The following DLGAP2 variants were observed in gnomAD, a reference collection of about 807,000 sequenced individuals.
DLGAP2 encodes DLG associated protein 2, also known as disks large-associated protein 2.
In DLGAP2, 26 loss-of-function variants were observed where a neutral mutation model predicts 100.3. The observed-to-expected ratio is 0.26, with a 90% confidence interval of 0.19 to 0.36. The LOEUF (loss-of-function observed/expected upper bound fraction) is 0.36, where lower values mean the gene tolerates loss of function less well. DLGAP2 is among the 10% of genes least tolerant of loss of function. The pLI, the probability that DLGAP2 is intolerant of heterozygous loss-of-function variation, is 1.00. For missense variants in DLGAP2, 1,858 were observed against 1,453.2 expected, an observed-to-expected ratio of 1.28 and a Z score of -4.53; for synonymous variants, 886 against 630.1, an observed-to-expected ratio of 1.41 and a Z score of -6.08.
At chr8:751,965 C>T (rs758005751) in intron 1 of DLGAP2, among the ~76,000 whole-genome samples, 11 of 152,196 alleles carry the variant, frequency 7.2e-5, no homozygotes, top group Non-Finnish European at 1.3e-4. Context: ...GGAAGTTCAT[C>T]TGACACTTTT....
At chr8:1,215,073 C>T (rs1192316025) in intron 2 of DLGAP2, among the ~76,000 whole-genome samples, 1 of 152,170 alleles carries the variant, frequency 6.6e-6, no homozygotes, top group African/African-American at 2.4e-5. Context: ...CAACGTCATC[C>T]ATGCAGGAAA....
At chr8:1,130,832 T>C (rs182547602) in intron 2 of DLGAP2, among the ~76,000 whole-genome samples, 12 of 139,622 alleles carry the variant, frequency 8.6e-5, no homozygotes, top group Admixed American at 1.7e-4. Flanking sequence ...AGACCGGAGA[T>C]GGGCCTCCCT....
chr8:1,548,477 A>AAAC, intron 4 of DLGAP2, 149 bp from the exon 5 acceptor site: 1 of 574,816 alleles, frequency 1.7e-6, no homozygotes, highest in Non-Finnish European at 2.7e-6. Context: ...AAAAAAAAAA[A>AAAC]AAAAAAACCC....
chr8:859,647 C>T (rs1797352006), intron 1 of DLGAP2, among the ~76,000 whole-genome samples: 1 of 152,172 alleles, frequency 6.6e-6, no homozygotes, highest in African/African-American at 2.4e-5. Context: ...GTCTCAGCAC[C>T]AGGCCTCTGG....
At chr8:773,110 C>G (rs530990441) in intron 1 of DLGAP2, among the ~76,000 whole-genome samples, 2 of 152,144 alleles carry the variant, frequency 1.3e-5, no homozygotes, top group Non-Finnish European at 2.9e-5. Context: ...GCCTGGGAGG[C>G]CTGAACAGCA....
chr8:815,944 C>T (rs4735820), intron 1 of DLGAP2, among the ~76,000 whole-genome samples: 29,717 of 152,042 alleles, frequency 0.2, 3,612 homozygotes, highest in Admixed American at 0.38. Flanking sequence ...TGGACTAGTC[C>T]TTTTTTCAGT....
At chr8:1,099,609 A>G (rs189204660) in intron 2 of DLGAP2, among the ~76,000 whole-genome samples, 108 of 152,336 alleles carry the variant, frequency 7.1e-4, no homozygotes, top group African/African-American at 2.3e-3. Context: ...ATGTGTTTCT[A>G]TGTGAAGCTT....
chr8:879,648 C>T (rs576287645), intron 1 of DLGAP2, among the ~76,000 whole-genome samples: 2 of 152,316 alleles, frequency 1.3e-5, no homozygotes, highest in East Asian at 3.9e-4. Context: ...TGTGCTACAA[C>T]CTCCCTTCTG....
intron 1 of DLGAP2, among the ~76,000 whole-genome samples, chr8:780,511 T>C (rs1283800933): frequency 6.6e-6 from 1 of 152,324 alleles, no homozygotes; most frequent in African/African-American, 2.4e-5. Context: ...CTGGGTCTTG[T>C]GCTAGCTCTA....
rs1798552220 is a variant in DLGAP2 at position 1,464,296 on chromosome 8, G to A, written c.107-37070G>A. On this transcript the variant is annotated intron_variant, in intron 3 of 14. Transcript: ENST00000637795. ...ACCCTTCCAGGACAACGCCCTTCCA[G>A]GATGGCACCCTTCCAGGACAACGCC... Among the ~76,000 whole-genome samples, 3 of 106,136 alleles carry A rather than the reference G, an allele frequency of 2.8e-5. 1 individual carries two copies. Among genetic ancestry groups the A allele is most frequent in the Non-Finnish European group, 6.0e-5 (3 of 50,124 alleles). 69.6% of individuals were successfully genotyped at this position (106,136 alleles called of 152,430 possible). A position where few individuals can be genotyped will look rare whatever the true frequency, so the allele number is the denominator to read the frequency against.
At chr8:1,006,063 C>T (rs1019363859) in intron 2 of DLGAP2, among the ~76,000 whole-genome samples, 1 of 152,198 alleles carries the variant, frequency 6.6e-6, no homozygotes. Context: ...GTGGCGGGCA[C>T]CTGTAATCAC....
chr8:795,709 G>GGCGTCCAGTGAGAGCAGGCGTCCAGTA (rs1440868186), intron 1 of DLGAP2, among the ~76,000 whole-genome samples: 2 of 68,256 alleles, frequency 2.9e-5, no homozygotes, highest in Admixed American at 4.0e-4. Flanking sequence ...GGCGTCCAGT[G>GGCGTCCAGTGAGAGCAGGCGTCCAGTA]AGAGCAGGCG....
At chr8:1,127,039 T>C (rs1048729120) in intron 2 of DLGAP2, among the ~76,000 whole-genome samples, 3 of 149,864 alleles carry the variant, frequency 2.0e-5, no homozygotes, top group African/African-American at 7.4e-5. Flanking sequence ...AGCCCAGCTC[T>C]TAAACGGTCC....
intron 5 of DLGAP2, among the ~76,000 whole-genome samples, chr8:1,554,072 G>A (rs1801873220): frequency 6.6e-6 from 1 of 152,170 alleles, no homozygotes; most frequent in Admixed American, 6.5e-5. Context: ...TGGATCACCT[G>A]AGGTCAGGAG....
chr8:913,921 G>T (rs1017476027), intron 2 of DLGAP2, among the ~76,000 whole-genome samples: 1 of 152,026 alleles, frequency 6.6e-6, no homozygotes, highest in Non-Finnish European at 1.5e-5. Flanking sequence ...GGAGCCCCGG[G>T]ACTGAGACAT....
chr8:1,439,618 C>T (rs1031251238), intron 3 of DLGAP2, among the ~76,000 whole-genome samples: 5 of 152,134 alleles, frequency 3.3e-5, no homozygotes, highest in Admixed American at 2.0e-4. Flanking sequence ...ACAAATAGAA[C>T]GTTGCAGGCA....
intron 1 of DLGAP2, among the ~76,000 whole-genome samples, chr8:891,023 C>T (rs542338791): frequency 3.8e-4 from 58 of 152,234 alleles, no homozygotes; most frequent in African/African-American, 1.4e-3. Flanking sequence ...CCCTGATTCC[C>T]TCCCCTCATC....
intron 3 of DLGAP2, among the ~76,000 whole-genome samples, chr8:1,273,720 A>G (rs1420467029): frequency 1.3e-5 from 2 of 152,242 alleles, no homozygotes; most frequent in Admixed American, 6.5e-5. Flanking sequence ...CTCTGCTCAA[A>G]GGTGCTTCTA....
At chr8:1,540,578 C>T (rs1056649727) in intron 4 of DLGAP2, among the ~76,000 whole-genome samples, 1 of 152,216 alleles carries the variant, frequency 6.6e-6, no homozygotes, top group South Asian at 2.1e-4. Context: ...AGCAAACTTC[C>T]TGCCGGGCTG....
Sources: gnomAD v4.1 joint callset for allele counts (sites outside exome capture counted in the v4.1 genomes callset) on GRCh38, gnomAD v4.1.1 for gene constraint, MANE v1.5 for transcripts, NCBI Gene and HGNC (gene_info 2026-07-23, HGNC 2026-07-21) for gene names.